The following NIT1 variants were observed in gnomAD, a reference collection of about 807,000 sequenced individuals.
NIT1 encodes the protein deaminated glutathione amidase.
Under a neutral mutation model 36.8 loss-of-function variants are expected in NIT1, and 30 were observed. The ratio of observed to expected loss-of-function variants is 0.82; its 90% CI spans 0.61 to 1.11. NIT1 has a LOEUF of 1.11. NIT1 is among the 50% of genes least tolerant of loss of function. The pLI, the probability that NIT1 is intolerant of heterozygous loss-of-function variation, is 0.00. For missense variants in NIT1, 438 were observed against 410.6 expected (o/e 1.07, Z -0.58); for synonymous variants, 151 against 155.6 (o/e 0.97, Z 0.22).
downstream of NIT1, among the ~76,000 whole-genome samples, chr1:161,122,826 G>A (rs187649463): frequency 3.2e-4 from 49 of 152,270 alleles, no homozygotes; most frequent in Admixed American, 1.6e-3. This position sits in a 1 kb window ranked among gnomAD's most constrained non-coding sequence, Gnocchi z 4.2. Flanking sequence ...ACTCGACTTG[G>A]CTCATCCTAC....
downstream of NIT1, chr1:161,123,901 C>T (rs1194091304): frequency 6.8e-6 from 11 of 1,613,836 alleles, no homozygotes; most frequent in Middle Eastern, 1.6e-4. Context: ...GGTCACATAG[C>T]GAATTGATGT....
chr1:161,123,815 CAG>C (rs1480934729), downstream of NIT1: 4 of 1,584,898 alleles, frequency 2.5e-6, no homozygotes, highest in Non-Finnish European at 2.6e-6. Context: ...TGATGGAAAG[CAG>C]GGGGAGTTAA....
rs1268901095 is a variant in NIT1 at position 161,118,784 on chromosome 1, A to G, written c.3-2A>G. On this transcript the variant is annotated splice_acceptor_variant, in intron 1 of 6. Transcript: ENST00000368009. LOFTEE classifies it high-confidence loss of function. ...GGTGTCCTCATATCTCACCTTCCTC[A>G]GGCTGGGCTTCATCACCAGGCCTCC... 2.5e-6 allele frequency: 4 copies of G among 1,610,996 alleles called. No individual in the cohort carries two copies. In the African/African-American group the frequency reaches 5.3e-5, roughly 22 times the overall value.
downstream of NIT1, chr1:161,124,624 T>C (rs1034321788): frequency 7.3e-7 from 1 of 1,377,048 alleles, no homozygotes; most frequent in Non-Finnish European, 9.5e-7. Context: ...TGGCACAGTA[T>C]AGTGCTTTAT....
chr1:161,124,016 G>C (rs1655871816), downstream of NIT1: 4 of 1,588,454 alleles, frequency 2.5e-6, no homozygotes, highest in South Asian at 2.3e-5. Context: ...ACCCCCAGTG[G>C]GCCTCACAAC....
Position 161,120,119 on chromosome 1 carries a change from G to C in NIT1, c.604G>C (p.Val202Leu), listed in dbSNP as rs1444887216. Residue 202 changes from valine (V) to leucine (L), a missense_variant, in exon 6 of 7, where the codon GTC becomes CTC. Coordinates refer to ENST00000368009, the MANE Select transcript of NIT1 (RefSeq NM_005600.3). Reference protein sequence around the residue: ...STPAGKIGLAVCYDMRFPELS... With the variant: ...STPAGKIGLALCYDMRFPELS... ...TTTTTCATTCCAGATTGGTCTAGCT[G>C]TCTGCTATGACATGCGGTTCCCTGA... The C allele has an allele frequency of 1.9e-6, 3 of 1,614,056 alleles. No individual in the cohort carries two copies. In the African/African-American group the frequency reaches 4.0e-5, roughly 22 times the overall value.
chr1:161,118,207 G>A, intron 1 of NIT1, 29 bp downstream of exon 1: 5 of 1,614,062 alleles, frequency 3.1e-6, no homozygotes, highest in Non-Finnish European at 4.2e-6. Flanking sequence ...CCCGTCGGCC[G>A]CGGTGAATCC....
intron 6 of NIT1, 45 bp downstream of exon 6, chr1:161,120,277 C>T (rs1432737174): frequency 6.2e-7 from 1 of 1,607,338 alleles, no homozygotes; most frequent in Admixed American, 1.7e-5. Flanking sequence ...TTCTTAACCT[C>T]ATCTTCCCCC....
chr1:161,123,301 A>G, downstream of NIT1: 1 of 1,366,878 alleles, frequency 7.3e-7, no homozygotes, highest in Non-Finnish European at 1.0e-6. Flanking sequence ...TGAGGAAGGA[A>G]TCATTTAGAC....
At position 161,120,717 on chromosome 1, in the gene NIT1, G is replaced by A; in HGVS notation, c.936G>A (p.Gln312=). ...TGCGCCGACACCTGCCTGTGTTCCAGCACCGCAGGCCTGACCTCTATGGCA... is the reference window on the plus strand; with the variant it reads ...TGCGCCGACACCTGCCTGTGTTCCAACACCGCAGGCCTGACCTCTATGGCA... ...RQLRRHLPVF[Q]HRRPDLYGNL... Residue 312 remains glutamine (Q), a synonymous_variant, in exon 7 of 7, where the codon CAG becomes CAA. Coordinates refer to ENST00000368009, the MANE Select transcript of NIT1 (RefSeq NM_005600.3). 6.2e-7 allele frequency: 1 copy of A among 1,613,900 alleles called. No individual in the cohort carries two copies. The highest frequency in any genetic ancestry group is 1.1e-5 in the South Asian group (1 of 91,086).
At position 161,119,803 on chromosome 1, in the gene NIT1, T is replaced by C. The variant is rs1440928642; in HGVS notation, c.458-16T>C. The C allele has an allele frequency of 2.5e-6, 4 of 1,586,814 alleles. No homozygotes were observed. The highest frequency in any genetic ancestry group is 1.4e-5 in the African/African-American group (1 of 73,998). On this transcript the variant is annotated splice_polypyrimidine_tract_variant and intron_variant, in intron 4 of 6. Transcript: ENST00000368009. ...TCTAGAACACCAGCACTGATATTCC[T>C]TCTTTCTTACTGTAGGGGCAGTAGT...
At position 161,120,947 on chromosome 1, in the gene NIT1, A is replaced by G. The variant is rs1353181227; in HGVS notation, c.*182A>G. The stretch of plus-strand genomic sequence containing the variant: ...GAAACTTTCACCTGAGCTTCACCTG[A>G]GGTCAGACTGCAGTTTCAGAAAGGT... On this transcript the variant is annotated 3_prime_UTR_variant, in exon 7 of 7. Transcript: ENST00000368009. 4.2e-6 allele frequency: 6 copies of G among 1,424,554 alleles called. No homozygotes were observed. The highest frequency in any genetic ancestry group is 5.5e-6 in the Non-Finnish European group (6 of 1,093,530). The allele number at this position is 1,424,554 out of a possible 1,614,324, so 88.2% of individuals were successfully genotyped here.
At position 161,118,667 on chromosome 1, in the gene NIT1, C is replaced by T. The variant is rs1655083757; in HGVS notation, c.3-119C>T. The T allele has an allele frequency of 2.7e-6, 4 of 1,498,050 alleles. No homozygotes were observed. The East Asian group carries it at 9.2e-5, about 35-fold the overall frequency. 92.8% of individuals were successfully genotyped at this position (1,498,050 alleles called of 1,614,324 possible). A position where few individuals can be genotyped will look rare whatever the true frequency, so the allele number is the denominator to read the frequency against. On this transcript the variant is annotated intron_variant, in intron 1 of 6. Coordinates refer to ENST00000368009, the MANE Select transcript of NIT1 (RefSeq NM_005600.3). ...TTTCTTATAAAGAGCGTTTTGAAGA[C>T]TAGGTTTTTACTGGCAGGGCCCTGA...
intron 5 of NIT1, 68 bp downstream of exon 5, chr1:161,120,020 C>T (rs927955933): frequency 1.9e-6 from 3 of 1,606,320 alleles, no homozygotes; most frequent in Admixed American, 1.7e-5. Context: ...GGATAGAAAG[C>T]CCTAAGAGAG....
chr1:161,120,547 G>A lies in NIT1; in HGVS notation c.766G>A (p.Ala256Thr), dbSNP rs756601342. The A allele has an allele frequency of 4.3e-6, 7 of 1,614,204 alleles. No individual in the cohort carries two copies. The highest frequency in any genetic ancestry group is 5.9e-6 in the Non-Finnish European group (7 of 1,180,040). The part of the protein sequence containing the change: ...AIETQCYVVA[A>T]AQCGRHHEKR... ...CGAAACCCAGTGCTATGTAGTGGCA[G>A]CAGCACAGTGTGGACGCCACCATGA... is the stretch of plus-strand genomic sequence containing the variant. The change falls in exon 7 of 7, where the codon GCA (alanine) becomes ACA (threonine). Residue 256 changes from alanine to threonine, a missense_variant. By Grantham distance (58) the Ala-to-Thr change is moderately conservative (BLOSUM62 0). Coordinates refer to ENST00000368009, the MANE Select transcript of NIT1 (RefSeq NM_005600.3).
Position 161,119,561 on chromosome 1 carries a change from T to C in NIT1, c.406T>C (p.Trp136Arg). Residue 136 changes from tryptophan to arginine, a missense_variant, in exon 4 of 7, where the codon TGG becomes CGG. Transcript: ENST00000368009. ...TGGTTTCCATGAGCGTGGCCAAGACTGGGAGCAGACTCAGAAAATCTACAA... is the reference window on the plus strand; with the variant it reads ...TGGTTTCCATGAGCGTGGCCAAGACCGGGAGCAGACTCAGAAAATCTACAA... ...LGGFHERGQD[W>R]EQTQKIYNCH... The C allele has an allele frequency of 6.2e-7, 1 of 1,614,182 alleles. No individual in the cohort carries two copies. The highest frequency in any genetic ancestry group is 8.5e-7 in the Non-Finnish European group (1 of 1,180,030).
At chr1:161,120,425 C>T in intron 6 of NIT1, 74 bp from the exon 7 acceptor site, 1 of 1,531,700 alleles carries the variant, frequency 6.5e-7, no homozygotes, top group Non-Finnish European at 8.9e-7. Context: ...GTAGATTGGT[C>T]TGTAATGTCC....
downstream of NIT1, chr1:161,121,871 T>G (rs1379128509): frequency 2.5e-6 from 1 of 395,656 alleles, no homozygotes; most frequent in Non-Finnish European, 4.6e-6. Flanking sequence ...AGACTTTGCT[T>G]CTTCCTATAC....
At chr1:161,121,284 T>G, downstream of NIT1, 2 of 652,644 alleles carry the variant, frequency 3.1e-6, no homozygotes, top group Non-Finnish European at 3.8e-6. Context: ...CACTTACACC[T>G]ATGATGCCCT....
Sources: gnomAD v4.1 joint callset for allele counts (sites outside exome capture counted in the v4.1 genomes callset) on GRCh38, gnomAD v4.1.1 for gene constraint, Gnocchi (gnomAD v3.1) non-coding constraint, MANE v1.5 for transcripts, NCBI Gene and HGNC (gene_info 2026-07-23, HGNC 2026-07-21) for gene names.